The following GADL1 variants were observed in gnomAD, a reference collection of about 807,000 sequenced individuals.
GADL1 encodes GAD like acidic amino acid decarboxylase 1.
A neutral mutation model predicts 69.5 loss-of-function variants in GADL1; 71 were observed. The observed-to-expected ratio is 1.02, with a 90% CI of 0.84 to 1.25. The LOEUF is 1.25. GADL1 is among the 50% of genes most tolerant of loss of function. The pLI, the probability that GADL1 is intolerant of heterozygous loss-of-function variation, is 0.00. For missense variants in GADL1, 737 were observed against 631.8 expected (o/e 1.17, Z -1.79); for synonymous variants, 254 against 214.4 (o/e 1.18, Z -1.62).
chr3:30,728,224 G>T lies in GADL1; in HGVS notation c.*18C>A. Reference sequence around the variant, plus strand: ...CTCCCAGGATAGGATCTATGCCTCTGGGGGACCAAAGCCACAGCTACATGT... The same window carrying T: ...CTCCCAGGATAGGATCTATGCCTCTTGGGGACCAAAGCCACAGCTACATGT... On this transcript the variant is annotated 3_prime_UTR_variant, in exon 15 of 15. Transcript: ENST00000282538. The T allele has an allele frequency of 1.9e-6, 3 of 1,608,768 alleles. No homozygotes were observed. The highest frequency in any genetic ancestry group is 2.6e-6 in the Non-Finnish European group (3 of 1,175,472).
In GADL1 at chr3:30,850,847, T is replaced by C. The variant is rs1698135726; in HGVS notation, c.523A>G (p.Ile175Val). Residue 175 changes from isoleucine (I) to valine (V), a missense_variant, in exon 5 of 15, where the codon ATA (isoleucine) becomes GTA (valine). Physicochemically the swap from Ile to Val is conservative, Grantham distance 29. Coordinates refer to ENST00000282538, the MANE Select transcript of GADL1 (RefSeq NM_207359.3). ...TAATTGTACTCACCTGGGTTAAATA[T>C]TCCATCCCCTTCTTTCCAGCCAATA... ...EFIGWKEGDG[I>V]FNPGGSVSNM... is the part of the protein sequence containing the mutation. 1 of 1,543,890 alleles carries C rather than the reference T, an allele frequency of 6.5e-7. No individual in the cohort carries two copies. Among genetic ancestry groups the C allele is most frequent in the Non-Finnish European group, 8.8e-7 (1 of 1,140,072 alleles).
intron 14 of GADL1, among the ~76,000 whole-genome samples, chr3:30,753,578 C>CG (rs1695887750): frequency 6.6e-6 from 1 of 151,260 alleles, no homozygotes; most frequent in South Asian, 2.1e-4. Context: ...TTCAAACAAG[C>CG]GTCGGAAGAC....
At chr3:30,863,374 A>C (rs1698349987) in intron 1 of GADL1, among the ~76,000 whole-genome samples, 1 of 152,016 alleles carries the variant, frequency 6.6e-6, no homozygotes, top group Non-Finnish European at 1.5e-5. Context: ...CAAAAGGATG[A>C]GACGGAACAT....
At chr3:30,749,089 C>G (rs964471230) in intron 14 of GADL1, among the ~76,000 whole-genome samples, 2 of 152,202 alleles carry the variant, frequency 1.3e-5, no homozygotes, top group Admixed American at 6.5e-5. Context: ...TTCAGGAAAC[C>G]TCACTGCACT....
At chr3:30,754,747 C>T (rs2125480598) in intron 14 of GADL1, among the ~76,000 whole-genome samples, 1 of 152,240 alleles carries the variant, frequency 6.6e-6, no homozygotes, top group African/African-American at 2.4e-5. Context: ...GAGATGTTTA[C>T]TATGTTTAAC....
intron 11 of GADL1, among the ~76,000 whole-genome samples, chr3:30,818,041 G>C (rs1292302357): frequency 6.6e-6 from 1 of 152,118 alleles, no homozygotes; most frequent in Non-Finnish European, 1.5e-5. Flanking sequence ...AGACATGGAA[G>C]ATATTCATTG....
At chr3:30,836,014 T>G (rs1697867482) in intron 9 of GADL1, among the ~76,000 whole-genome samples, 2 of 152,090 alleles carry the variant, frequency 1.3e-5, no homozygotes, top group African/African-American at 4.8e-5. Context: ...TTGCAAATAT[T>G]AAGATGTGTT....
At chr3:30,810,462 G>A (rs890663410) in intron 11 of GADL1, among the ~76,000 whole-genome samples, 1 of 152,042 alleles carries the variant, frequency 6.6e-6, no homozygotes, top group Non-Finnish European at 1.5e-5. Context: ...TTCCACCTTT[G>A]GCCCTTTGGT....
chr3:30,857,679 C>A (rs1457944653), intron 2 of GADL1, among the ~76,000 whole-genome samples: 1 of 151,910 alleles, frequency 6.6e-6, no homozygotes, highest in Non-Finnish European at 1.5e-5. Flanking sequence ...TTCCTCTATT[C>A]AAATACATCT....
At chr3:30,850,572 A>G (rs1698132551) in intron 5 of GADL1, among the ~76,000 whole-genome samples, 1 of 152,142 alleles carries the variant, frequency 6.6e-6, no homozygotes, top group African/African-American at 2.4e-5. Flanking sequence ...GCCCTTCCAA[A>G]CTTCCAGCAT....
chr3:30,762,273 T>G (rs1012881669), intron 14 of GADL1, among the ~76,000 whole-genome samples: 5 of 152,128 alleles, frequency 3.3e-5, no homozygotes, highest in Non-Finnish European at 7.4e-5. Context: ...GTAATCTAGG[T>G]GAGAAAAGAG....
At chr3:30,739,149 T>A (rs535259398) in intron 14 of GADL1, among the ~76,000 whole-genome samples, 1 of 152,290 alleles carries the variant, frequency 6.6e-6, no homozygotes, top group South Asian at 2.1e-4. Flanking sequence ...GCTTCCTGAA[T>A]TACAGAATTA....
intron 14 of GADL1, among the ~76,000 whole-genome samples, chr3:30,768,210 T>G (rs1258692152): frequency 6.6e-6 from 1 of 152,100 alleles, no homozygotes; most frequent in Non-Finnish European, 1.5e-5. Flanking sequence ...TTTTGAGCAC[T>G]TTATCGTCTG....
chr3:30,773,558 C>A (rs568558786), intron 14 of GADL1, among the ~76,000 whole-genome samples: 4 of 152,122 alleles, frequency 2.6e-5, no homozygotes. Context: ...TATACTTAAG[C>A]ATAAAATTTC....
chr3:30,827,162 T>C (rs1697694759), intron 11 of GADL1, among the ~76,000 whole-genome samples: 1 of 151,600 alleles, frequency 6.6e-6, no homozygotes, highest in African/African-American at 2.4e-5. Context: ...ACAGATTTAG[T>C]CACTTCAGGA....
rs1698321459 is a variant in GADL1, at chr3:30,861,577, A to G, written c.210+16T>C. ...CTTTCCCATTTCTGCAATTTCTTAC[A>G]GGTTTTAATTTTTACCTTCTCATTG... is the stretch of plus-strand genomic sequence containing the variant. On this transcript the variant is annotated intron_variant, in intron 2 of 14. Coordinates refer to ENST00000282538, the MANE Select transcript of GADL1 (RefSeq NM_207359.3). 1 of 1,531,006 alleles carries G rather than the reference A, an allele frequency of 6.5e-7. No homozygotes were observed. Among genetic ancestry groups the G allele is most frequent in the Non-Finnish European group, 8.8e-7 (1 of 1,134,450 alleles). The allele number at this position is 1,531,006 out of a possible 1,614,324, so 94.8% of individuals were successfully genotyped here.
intron 14 of GADL1, among the ~76,000 whole-genome samples, chr3:30,737,584 C>G (rs892548324): frequency 6.6e-6 from 1 of 152,070 alleles, no homozygotes; most frequent in Middle Eastern, 3.2e-3. Context: ...TCCCCTGATA[C>G]CTCCCCAATC....
chr3:30,848,425 C>T (rs1309249314), intron 6 of GADL1, among the ~76,000 whole-genome samples: 1 of 152,132 alleles, frequency 6.6e-6, no homozygotes, highest in Non-Finnish European at 1.5e-5. Flanking sequence ...CACAATTTGT[C>T]CTTTTGCAAT....
chr3:30,829,474 C>T (rs1575224497), intron 11 of GADL1, among the ~76,000 whole-genome samples: 1 of 151,868 alleles, frequency 6.6e-6, no homozygotes, highest in South Asian at 2.1e-4. Flanking sequence ...TATCCTTTTA[C>T]ATCAACAGAA....
Sources: gnomAD v4.1 joint callset for allele counts (sites outside exome capture counted in the v4.1 genomes callset) on GRCh38, gnomAD v4.1.1 for gene constraint, MANE v1.5 for transcripts, NCBI Gene and HGNC (gene_info 2026-07-23, HGNC 2026-07-21) for gene names.